ITPR3: variants seen among roughly 807,000 people sequenced by gnomAD.
ITPR3 encodes inositol 1,4,5-trisphosphate-gated calcium channel ITPR3.
ITPR3 carries 173 observed loss-of-function variants against 293.2 expected under a neutral mutation model. The ratio of observed to expected loss-of-function variants is 0.59; its 90% CI spans 0.52 to 0.67. The LOEUF (loss-of-function observed/expected upper bound fraction) is 0.67, where lower values mean the gene tolerates loss of function less well. ITPR3 is among the 30% of genes least tolerant of loss of function. ITPR3 has a pLI of 0.00. For synonymous variants in ITPR3, 1,295 were observed against 1,444.4 expected, an observed-to-expected ratio of 0.90 and a Z score of 2.35; for missense variants, 2,796 against 3,592.1, an observed-to-expected ratio of 0.78 and a Z score of 5.66.
Position 33,688,371 on chromosome 6 carries a change from G to A in ITPR3, c.6508G>A (p.Asp2170Asn), listed in dbSNP as rs1313039986. 30 of 1,524,212 alleles carry A rather than the reference G, an allele frequency of 2.0e-5. No individual in the cohort carries two copies. The highest frequency in any genetic ancestry group is 3.6e-5 in the Admixed American group (2 of 56,196). 94.4% of individuals were successfully genotyped at this position (1,524,212 alleles called of 1,614,324 possible). A position where few individuals can be genotyped will look rare whatever the true frequency, so the allele number is the denominator to read the frequency against. ...GGACGAGCAGGGCAGCAAAGTGAGC[G>A]ACTTCTTCGACCAGTCCTCCTTCCT... Reference protein sequence around the residue: ...EQDEQGSKVSDFFDQSSFLHN... With the variant: ...EQDEQGSKVSNFFDQSSFLHN... Residue 2170 changes from aspartate (D) to asparagine (N), a missense_variant, in exon 48 of 58, where the codon GAC becomes AAC. This residue lies in a region of ITPR3 where 568 missense variants were observed against 796.1 expected (regional missense o/e 0.71). Coordinates refer to ENST00000605930, the MANE Select transcript of ITPR3 (RefSeq NM_002224.4).
At position 33,663,013 on chromosome 6, in the gene ITPR3, G is replaced by A. The variant is rs370126133; in HGVS notation, c.954+7G>A. 102 of 1,587,012 alleles carry A rather than the reference G, an allele frequency of 6.4e-5. No homozygotes were observed. In the African/African-American group the frequency reaches 9.4e-4, roughly 15 times the overall value. On this transcript the variant is annotated splice_region_variant and intron_variant, in intron 9 of 57. Transcript: ENST00000605930. Reference sequence around the variant, plus strand: ...CAACTACCTGGCTGCTGAGGTGAGCGGGAGGTAGAGGGCATGCTGGGGCTC... The same window carrying A: ...CAACTACCTGGCTGCTGAGGTGAGCAGGAGGTAGAGGGCATGCTGGGGCTC...
chr6:33,681,855 G>A (rs1659636262), intron 33 of ITPR3, among the ~76,000 whole-genome samples: 1 of 152,002 alleles, frequency 6.6e-6, no homozygotes, highest in South Asian at 2.1e-4. Context: ...GGCAATGAGG[G>A]TGATGGGGGA....
intron 1 of ITPR3, among the ~76,000 whole-genome samples, chr6:33,634,215 C>T (rs770508400): frequency 6.6e-6 from 1 of 151,178 alleles, no homozygotes; most frequent in Non-Finnish European, 1.5e-5. Context: ...CTGCAAACAT[C>T]TGCCCAGGGC....
rs1466852234 is a variant in ITPR3, at chr6:33,624,919, AG to A, written c.89+3229del. Among the ~76,000 whole-genome samples the A allele has an allele frequency of 1.3e-5, 2 of 152,174 alleles. No individual in the cohort carries two copies. Among genetic ancestry groups the A allele is most frequent in the African/African-American group, 4.8e-5 (2 of 41,448 alleles). ...AGCCTCCTGGAGAATTAGAGGTCCTAGTGAAGATTGTACATTAACTCTAGGT... is the reference window on the plus strand; with the variant it reads ...AGCCTCCTGGAGAATTAGAGGTCCTATGAAGATTGTACATTAACTCTAGGT... On this transcript the variant is annotated intron_variant, in intron 1 of 57. Transcript: ENST00000605930. The surrounding 1 kb of genome is among the most constrained non-coding windows in gnomAD (Gnocchi z 4.7).
In ITPR3 at chr6:33,661,337, C is replaced by T. The variant is rs1035660797; in HGVS notation, c.712-1191C>T. ...TGTGCCTGCTGGGCGGCAGGCTCAGCGGGAGGAAGGTGATGGAATGATTAA... is the reference window on the plus strand; with the variant it reads ...TGTGCCTGCTGGGCGGCAGGCTCAGTGGGAGGAAGGTGATGGAATGATTAA... On this transcript the variant is annotated intron_variant, in intron 7 of 57. Coordinates refer to ENST00000605930, the MANE Select transcript of ITPR3 (RefSeq NM_002224.4). Among the ~76,000 whole-genome samples, 12 of 152,206 alleles carry T rather than the reference C, an allele frequency of 7.9e-5. 1 individual carries two copies. The highest frequency in any genetic ancestry group is 2.0e-4 in the Admixed American group (3 of 15,300).
chr6:33,666,117 C>A lies in ITPR3; in HGVS notation c.1551+141C>A. 1 of 947,350 alleles carries A rather than the reference C, an allele frequency of 1.1e-6. No individual in the cohort carries two copies. Among genetic ancestry groups the A allele is most frequent in the Non-Finnish European group, 1.5e-6 (1 of 661,124 alleles). The allele number at this position is 947,350 out of a possible 1,614,324, so 58.7% of individuals were successfully genotyped here. A position where few individuals can be genotyped will look rare whatever the true frequency, so the allele number is the denominator to read the frequency against. On this transcript the variant is annotated intron_variant, in intron 14 of 57. Coordinates refer to ENST00000605930, the MANE Select transcript of ITPR3 (RefSeq NM_002224.4). This position sits in a 1 kb window ranked among gnomAD's most constrained non-coding sequence, Gnocchi z 5.1. ...CGTGCCAGGGACTTCCCTAAGTACCCCACATGTGTTGACGAATTTGATCCT... is the reference window on the plus strand; with the variant it reads ...CGTGCCAGGGACTTCCCTAAGTACCACACATGTGTTGACGAATTTGATCCT...
Position 33,677,505 on chromosome 6 carries a change from TC to T in ITPR3, c.3526del (p.Leu1176TrpfsTer4), listed in dbSNP as rs1764939281. 1 of 1,613,810 alleles carries T rather than the reference TC, an allele frequency of 6.2e-7. No individual in the cohort carries two copies. On this transcript the variant is annotated frameshift_variant and splice_region_variant, in exon 28 of 58. Coordinates refer to ENST00000605930, the MANE Select transcript of ITPR3 (RefSeq NM_002224.4). LOFTEE classifies it high-confidence loss of function. ...SSENYQIVKG[I>X]LERLNKMCGV... ...CTGGCTCACCCGCCTCCCCTGCAGA[TC>T]CTGGAAAGGCTGAACAAGATGTGCG...
chr6:33,667,245 C>CT lies in ITPR3; in HGVS notation c.1669dup (p.Tyr557LeufsTer80). On this transcript the variant is annotated frameshift_variant, in exon 15 of 58. Coordinates refer to ENST00000605930, the MANE Select transcript of ITPR3 (RefSeq NM_002224.4). LOFTEE classifies it high-confidence loss of function. The surrounding 1 kb of genome is among the most constrained non-coding windows in gnomAD (Gnocchi z 4.4). ...CCTACCAGCACATGTTCCGCCTGTG[C>CT]TACCGCGTGTTGCGGCATTCCCAGG... The CT allele has an allele frequency of 1.9e-6, 3 of 1,613,610 alleles. No individual in the cohort carries two copies. Among genetic ancestry groups the CT allele is most frequent in the Non-Finnish European group, 2.5e-6 (3 of 1,179,994 alleles).
intron 1 of ITPR3, among the ~76,000 whole-genome samples, chr6:33,626,342 A>G (rs1763549182): frequency 6.6e-6 from 1 of 151,680 alleles, no homozygotes; most frequent in Non-Finnish European, 1.5e-5. Flanking sequence ...CTGGGGATTA[A>G]AAAAAAAATT....
Position 33,684,191 on chromosome 6 carries a change from G to A in ITPR3, c.4937+23G>A, listed in dbSNP as rs374347471. 6.2e-6 allele frequency: 10 copies of A among 1,607,100 alleles called. No individual in the cohort carries two copies. Among genetic ancestry groups the A allele is most frequent in the Non-Finnish European group, 7.6e-6 (9 of 1,178,232 alleles). On this transcript the variant is annotated intron_variant, in intron 36 of 57. Transcript: ENST00000605930. The surrounding 1 kb of genome is among the most constrained non-coding windows in gnomAD (Gnocchi z 4.2). The stretch of plus-strand genomic sequence containing the variant: ...CAAGTGAGCGAGACACTGGGGCATG[G>A]GGGCAGCAGGGGTGCAGCGGCAGGG...
chr6:33,660,869 C>T (rs1304239871), intron 7 of ITPR3, among the ~76,000 whole-genome samples: 1 of 152,108 alleles, frequency 6.6e-6, no homozygotes, highest in East Asian at 1.9e-4. Flanking sequence ...GTGGAGGTTG[C>T]AGTAAGCCAA....
intron 39 of ITPR3, 89 bp from the exon 40 acceptor site, chr6:33,685,270 G>A: frequency 7.7e-7 from 1 of 1,303,452 alleles, no homozygotes; most frequent in Non-Finnish European, 1.1e-6. Flanking sequence ...AGCCCCAGCG[G>A]CCCCAGCAGT....
chr6:33,635,770 G>A (rs1184973500), intron 1 of ITPR3, among the ~76,000 whole-genome samples: 1 of 151,954 alleles, frequency 6.6e-6, no homozygotes, highest in African/African-American at 2.4e-5. Flanking sequence ...GCAGAGGAAG[G>A]AGCCAGTGCC....
In ITPR3 at chr6:33,658,137, G is replaced by C. The variant is rs1238544211; in HGVS notation, c.369+119G>C. The C allele has an allele frequency of 8.2e-6, 7 of 853,906 alleles. No homozygotes were observed. The highest frequency in any genetic ancestry group is 1.3e-5 in the Non-Finnish European group (7 of 521,840). The allele number at this position is 853,906 out of a possible 1,614,324, so 52.9% of individuals were successfully genotyped here. A position where few individuals can be genotyped will look rare whatever the true frequency, so the allele number is the denominator to read the frequency against. ...TGTGCATGTGTGTCCCCGGGTGAAT[G>C]AGTGGCCCTGGGGCCACCTGTGTGG... On this transcript the variant is annotated intron_variant, in intron 4 of 57. Coordinates refer to ENST00000605930, the MANE Select transcript of ITPR3 (RefSeq NM_002224.4). This position sits in a 1 kb window ranked among gnomAD's most constrained non-coding sequence, Gnocchi z 6.1.
chr6:33,684,659 G>T lies in ITPR3; in HGVS notation c.5108G>T (p.Arg1703Leu). The change falls in exon 38 of 58, where the codon CGG becomes CTG. Residue 1703 changes from arginine to leucine, a missense_variant. Physicochemically the swap from Arg to Leu is moderately radical, Grantham distance 102 (BLOSUM62 -2). This residue lies in a region of ITPR3 where 704 missense variants were observed against 797.5 expected (regional missense o/e 0.88). Coordinates refer to ENST00000605930, the MANE Select transcript of ITPR3 (RefSeq NM_002224.4). The surrounding 1 kb of genome is among the most constrained non-coding windows in gnomAD (Gnocchi z 4.2). The stretch of plus-strand genomic sequence containing the variant: ...CTCCAGAACCGGAAGTCCACCTCGC[G>T]GGGGGACCTTCCCGACCCCATAGGC... The part of the protein sequence containing the change: ...NYLQNRKSTS[R>L]GDLPDPIGTG... The T allele has an allele frequency of 6.2e-7, 1 of 1,614,044 alleles. No homozygotes were observed.
chr6:33,676,139 G>T (rs1582148150), intron 25 of ITPR3, among the ~76,000 whole-genome samples: 1 of 152,214 alleles, frequency 6.6e-6, no homozygotes, highest in African/African-American at 2.4e-5. Context: ...CCTCACTGAC[G>T]TGACTGGCAT....
rs943553376 is a variant in ITPR3 at position 33,685,630 on chromosome 6, G to T, written c.5483-13G>T. On this transcript the variant is annotated splice_polypyrimidine_tract_variant and intron_variant, in intron 40 of 57. Transcript: ENST00000605930. The stretch of plus-strand genomic sequence containing the variant: ...GGGTGGGCAGCTCCAGCCTCACCAG[G>T]TCTCGCCCACAGGCCGCGTGGCCTC... 2.6e-5 allele frequency: 41 copies of T among 1,582,292 alleles called. No homozygotes were observed. The highest frequency in any genetic ancestry group is 3.4e-5 in the Non-Finnish European group (39 of 1,159,808).
intron 24 of ITPR3, among the ~76,000 whole-genome samples, chr6:33,674,591 C>T (rs567547681): frequency 7.2e-4 from 110 of 152,364 alleles, no homozygotes; most frequent in Admixed American, 2.9e-3. Context: ...TGGGGACATG[C>T]ATCCCATCCA....
At chr6:33,644,241 G>C (rs1371362827) in intron 2 of ITPR3, among the ~76,000 whole-genome samples, 3 of 152,072 alleles carry the variant, frequency 2.0e-5, no homozygotes, top group Non-Finnish European at 2.9e-5. Context: ...ACCCACTGCT[G>C]AGCTTTGTCA....
Sources: gnomAD v4.1 joint callset for allele counts (sites outside exome capture counted in the v4.1 genomes callset) on GRCh38, gnomAD v4.1.1 for gene constraint, gnomAD v4.1.1 regional missense constraint, Gnocchi (gnomAD v3.1) non-coding constraint, MANE v1.5 for transcripts, NCBI Gene and HGNC (gene_info 2026-07-23, HGNC 2026-07-21) for gene names.